The following KDM4C variants were observed in gnomAD, a reference collection of about 807,000 sequenced individuals.
KDM4C encodes lysine-specific demethylase 4C.
In KDM4C, 81 loss-of-function variants were observed where a neutral mutation model predicts 129.3. The observed-to-expected ratio is 0.63, with a 90% CI of 0.52 to 0.75. The LOEUF (loss-of-function observed/expected upper bound fraction) is 0.75. KDM4C is among the 30% of genes least tolerant of loss of function. The pLI, the probability that KDM4C is intolerant of heterozygous loss-of-function variation, is 0.00. For missense variants in KDM4C, 1,457 were observed against 1,304.0 expected (o/e 1.12, Z -1.81); for synonymous variants, 573 against 456.1 (o/e 1.26, Z -3.26).
At chr9:7,092,533 C>T (rs1473486848) in intron 17 of KDM4C, among the ~76,000 whole-genome samples, 1 of 152,170 alleles carries the variant, frequency 6.6e-6, no homozygotes, top group Non-Finnish European at 1.5e-5. Context: ...TCATTGAAAA[C>T]TACCACTTTG....
Position 6,793,809 on chromosome 9 carries a change from C to T in KDM4C, c.144+677C>T, listed in dbSNP as rs1281069079. On this transcript the variant is annotated intron_variant, in intron 2 of 21. Coordinates refer to ENST00000381309, the MANE Select transcript of KDM4C (RefSeq NM_015061.6). The stretch of plus-strand genomic sequence containing the variant: ...CCATCCGCCTCGGCTTCCCAAAGTG[C>T]GGGGATTAAAGGCGTGAGCCACTGT... 2.6e-5 allele frequency among the ~76,000 whole-genome samples: 4 copies of T among 151,948 alleles called. No individual in the cohort carries two copies. The East Asian group carries it at 5.8e-4, about 22-fold the overall frequency.
intron 17 of KDM4C, among the ~76,000 whole-genome samples, chr9:7,057,520 A>G (rs1179716205): frequency 1.3e-5 from 2 of 152,262 alleles, no homozygotes; most frequent in Non-Finnish European, 2.9e-5. Flanking sequence ...TCTGAAGCTC[A>G]TCTGTAAATT....
intron 18 of KDM4C, among the ~76,000 whole-genome samples, chr9:7,115,709 C>T (rs1348549874): frequency 6.6e-6 from 1 of 152,178 alleles, no homozygotes; most frequent in Non-Finnish European, 1.5e-5. Flanking sequence ...CTCTCCAAGC[C>T]TTGATTGTAT....
chr9:6,955,596 C>T (rs1012664800), intron 8 of KDM4C, among the ~76,000 whole-genome samples: 1 of 152,150 alleles, frequency 6.6e-6, no homozygotes, highest in Non-Finnish European at 1.5e-5. Context: ...AAAAGGAAAA[C>T]GTGACCAGCC....
intron 8 of KDM4C, among the ~76,000 whole-genome samples, chr9:6,943,121 G>A (rs1826262129): frequency 6.6e-6 from 1 of 152,080 alleles, no homozygotes; most frequent in South Asian, 2.1e-4. Flanking sequence ...TCCTGCCTCA[G>A]CCTCCCAAAG....
intron 15 of KDM4C, among the ~76,000 whole-genome samples, chr9:7,028,351 C>T (rs1201837767): frequency 6.6e-6 from 1 of 151,704 alleles, no homozygotes; most frequent in Non-Finnish European, 1.5e-5. Flanking sequence ...CAGTGAGTTC[C>T]CTTCCGGCCA....
intron 17 of KDM4C, among the ~76,000 whole-genome samples, chr9:7,054,165 A>G (rs931641600): frequency 6.6e-6 from 1 of 152,206 alleles, no homozygotes; most frequent in African/African-American, 2.4e-5. Flanking sequence ...ACTTTGTAGG[A>G]TAATAGGAGG....
At chr9:6,793,601 G>A (rs1236431216) in intron 2 of KDM4C, among the ~76,000 whole-genome samples, 1 of 149,478 alleles carries the variant, frequency 6.7e-6, no homozygotes, top group African/African-American at 2.5e-5. Flanking sequence ...GTGCAATGGC[G>A]TGATCTCGGC....
At chr9:6,745,634 A>G (rs1317382962) in intron 1 of KDM4C, among the ~76,000 whole-genome samples, 2 of 150,608 alleles carry the variant, frequency 1.3e-5, no homozygotes, top group African/African-American at 2.4e-5. Context: ...GTTACATTAC[A>G]TTATATTTTA....
intron 4 of KDM4C, among the ~76,000 whole-genome samples, chr9:6,827,721 T>G (rs1263166500): frequency 1.3e-5 from 2 of 152,204 alleles, no homozygotes; most frequent in Non-Finnish European, 1.5e-5. Flanking sequence ...CTGCCTAAAT[T>G]TCACATCCAA....
intron 9 of KDM4C, 31 bp from the exon 10 acceptor site, chr9:6,984,135 C>A (rs369219416): frequency 2.2e-5 from 32 of 1,446,766 alleles, no homozygotes; most frequent in Non-Finnish European, 2.9e-5. Flanking sequence ...TGCAGACATC[C>A]CGCTCTGACC....
At chr9:7,012,415 C>G (rs1318731035) in intron 13 of KDM4C, among the ~76,000 whole-genome samples, 1 of 152,056 alleles carries the variant, frequency 6.6e-6, no homozygotes, top group Non-Finnish European at 1.5e-5. Context: ...CTAAGAAACA[C>G]AGAACTTAAA....
intron 5 of KDM4C, among the ~76,000 whole-genome samples, chr9:6,869,062 A>C (rs187109824): frequency 3.6e-4 from 55 of 152,302 alleles, no homozygotes; most frequent in African/African-American, 1.3e-3. Flanking sequence ...CGCTCGGGGA[A>C]TTAATTTACA....
At chr9:6,799,458 T>G (rs982728431) in intron 2 of KDM4C, among the ~76,000 whole-genome samples, 34 of 152,192 alleles carry the variant, frequency 2.2e-4, no homozygotes, top group Admixed American at 7.2e-4. Context: ...GCAGGCACTC[T>G]GCAGGCTGAG....
intron 1 of KDM4C, among the ~76,000 whole-genome samples, chr9:6,778,352 A>C (rs1439759209): frequency 6.6e-6 from 1 of 151,536 alleles, no homozygotes; most frequent in Non-Finnish European, 1.5e-5. Flanking sequence ...GGCCTCCCAA[A>C]GTCCTGGGAT....
intron 17 of KDM4C, among the ~76,000 whole-genome samples, chr9:7,050,037 G>C (rs1343116786): frequency 6.6e-6 from 1 of 151,292 alleles, no homozygotes; most frequent in Non-Finnish European, 1.5e-5. Flanking sequence ...CTTTTTTCTT[G>C]ACTGTTGCTT....
At chr9:6,820,924 A>T (rs1319234420) in intron 4 of KDM4C, among the ~76,000 whole-genome samples, 23 of 150,536 alleles carry the variant, frequency 1.5e-4, no homozygotes, top group African/African-American at 5.6e-4. Flanking sequence ...CCTGTGTCCA[A>T]GTGATCTCAT....
chr9:6,777,107 C>T (rs140879849), intron 1 of KDM4C, among the ~76,000 whole-genome samples: 1 of 152,154 alleles, frequency 6.6e-6, no homozygotes. Flanking sequence ...TTTTCACTTA[C>T]TCTGTAGTCA....
At position 7,082,897 on chromosome 9, in the gene KDM4C, AG is replaced by A. The variant is rs574222738; in HGVS notation, c.2425-20787del. On this transcript the variant is annotated intron_variant, in intron 17 of 21. Transcript: ENST00000381309. ...AGATTTAGGAGAAATGATAAAATAT[AG>A]TACCAAACATTAAGGACTTTTTCTT... Among the ~76,000 whole-genome samples, 270 of 152,366 alleles carry A rather than the reference AG, an allele frequency of 1.8e-3. 1 individual carries two copies. The highest frequency in any genetic ancestry group is 6.7e-3 in the Admixed American group (102 of 15,302).
Sources: gnomAD v4.1 joint callset for allele counts (sites outside exome capture counted in the v4.1 genomes callset) on GRCh38, gnomAD v4.1.1 for gene constraint, MANE v1.5 for transcripts, NCBI Gene and HGNC (gene_info 2026-07-23, HGNC 2026-07-21) for gene names.